OTULINL: variants seen among roughly 807,000 people sequenced by gnomAD.
OTULINL encodes inactive ubiquitin thioesterase OTULINL.
OTULINL carries 42 observed loss-of-function variants against 43.9 expected under a neutral mutation model. The observed-to-expected ratio is 0.96, with a 90% CI of 0.75 to 1.24. The LOEUF (loss-of-function observed/expected upper bound fraction) is 1.24, where lower values mean the gene tolerates loss of function less well. OTULINL is among the 50% of genes most tolerant of loss of function. OTULINL has a pLI of 0.00. For missense variants in OTULINL, 411 were observed against 426.4 expected, an observed-to-expected ratio of 0.96 and a Z score of 0.32; for synonymous variants, 172 against 153.6, an observed-to-expected ratio of 1.12 and a Z score of -0.88.
intron 1 of OTULINL, 29 bp from the exon 2 acceptor site, chr5:14,600,932 CTTTT>C (rs5866109): frequency 0.02 from 23,714 of 1,183,014 alleles, 1 homozygote; most frequent in South Asian, 0.023. Context: ...TTGTGATGTG[CTTTT>C]TTTTTTTTTT....
chr5:14,589,892 G>A (rs1167407040), intron 1 of OTULINL, among the ~76,000 whole-genome samples: 4 of 151,962 alleles, frequency 2.6e-5, no homozygotes, highest in Non-Finnish European at 4.4e-5. Flanking sequence ...CAGAGGTTGC[G>A]GATCATGCCA....
chr5:14,608,191 A>AGGG (rs1759513699), intron 6 of OTULINL, among the ~76,000 whole-genome samples: 1 of 152,222 alleles, frequency 6.6e-6, no homozygotes, highest in African/African-American at 2.4e-5. Context: ...TTTTATCTAA[A>AGGG]CTAATTTCTT....
chr5:14,597,108 C>T (rs1189776285), intron 1 of OTULINL, among the ~76,000 whole-genome samples: 2 of 151,956 alleles, frequency 1.3e-5, no homozygotes, highest in East Asian at 3.8e-4. Context: ...TTAATGTTTT[C>T]CCCCTCAAAG....
At chr5:14,610,087 G>A in intron 7 of OTULINL, 54 bp from the exon 8 acceptor site, 1 of 1,517,684 alleles carries the variant, frequency 6.6e-7, no homozygotes, top group Non-Finnish European at 9.1e-7. Context: ...ACCGTGGCGG[G>A]AGGCAGGAAT....
chr5:14,606,784 C>CA (rs1759488339), intron 5 of OTULINL, among the ~76,000 whole-genome samples: 1 of 151,972 alleles, frequency 6.6e-6, no homozygotes, highest in African/African-American at 2.4e-5. Context: ...ACTATTTTAA[C>CA]AAAAAAGATT....
intron 5 of OTULINL, among the ~76,000 whole-genome samples, chr5:14,606,452 C>T (rs1214203427): frequency 6.6e-6 from 1 of 152,208 alleles, no homozygotes; most frequent in African/African-American, 2.4e-5. Flanking sequence ...CAGAGATTCC[C>T]AGGCTCAGCA....
chr5:14,589,556 G>T (rs1759163017), intron 1 of OTULINL, among the ~76,000 whole-genome samples: 1 of 152,280 alleles, frequency 6.6e-6, no homozygotes, highest in African/African-American at 2.4e-5. Context: ...CAGTATGTGG[G>T]GCTTTCAGTG....
rs1350180798 is a variant in OTULINL at position 14,608,916 on chromosome 5, A to T, written c.796A>T (p.Ser266Cys). 6.2e-7 allele frequency: 1 copy of T among 1,614,116 alleles called. No individual in the cohort carries two copies. Among genetic ancestry groups the T allele is most frequent in the East Asian group, 2.2e-5 (1 of 44,880 alleles). ...AATGAAGACTAAAAAGGTCATTCCC[A>T]GTCTTTTTAGACTCCTGTTTTCCAG... ...EQMKTKKVIP[S>C]LFRLLFSRET... Residue 266 changes from serine to cysteine, a missense_variant, in exon 7 of 8, where the codon AGT (serine) becomes TGT (cysteine). Ser to Cys is a moderately radical substitution (Grantham distance 112). Transcript: ENST00000274217.
At chr5:14,607,237 A>G in intron 5 of OTULINL, 93 bp from the exon 6 acceptor site, 1 of 1,381,434 alleles carries the variant, frequency 7.2e-7, no homozygotes, top group Non-Finnish European at 9.8e-7. Flanking sequence ...CTCGAAAAAA[A>G]AAAAGATAAG....
intron 1 of OTULINL, among the ~76,000 whole-genome samples, chr5:14,594,906 C>G (rs1225528611): frequency 2.0e-5 from 3 of 151,996 alleles, no homozygotes; most frequent in Non-Finnish European, 4.4e-5. Flanking sequence ...TCACCCCTCC[C>G]TTGAGTTCCT....
rs978508189 is a variant in OTULINL, at chr5:14,607,574, G to C, written c.627+116G>C. 6.9e-5 allele frequency: 88 copies of C among 1,280,410 alleles called. 1 individual carries two copies. The highest frequency in any genetic ancestry group is 8.1e-5 in the Non-Finnish European group (75 of 926,660). The allele number at this position is 1,280,410 out of a possible 1,614,324, so 79.3% of individuals were successfully genotyped here. A position where few individuals can be genotyped will look rare whatever the true frequency, so the allele number is the denominator to read the frequency against. ...CATGTTAGGAAAGTAAGAAGTGCAA[G>C]CAGAAATGCTTCTAGTAACTGATGA... On this transcript the variant is annotated intron_variant, in intron 6 of 7. Transcript: ENST00000274217.
chr5:14,602,286 A>G lies in OTULINL; in HGVS notation c.452A>G (p.Gln151Arg), dbSNP rs1378556337. ...TCAGTGTTATTTCAGATATTCAGCC[A>G]GGGCATCTCTTTTCCATCATGGATG... is the stretch of plus-strand genomic sequence containing the variant. Reference protein sequence around the residue: ...LRSVLFQIFSQGISFPSWMKE... With the variant: ...LRSVLFQIFSRGISFPSWMKE... Residue 151 changes from glutamine to arginine, a missense_variant, in exon 5 of 8, where the codon CAG becomes CGG. Transcript: ENST00000274217. 4 of 1,613,978 alleles carry G rather than the reference A, an allele frequency of 2.5e-6. No individual in the cohort carries two copies. Among genetic ancestry groups the G allele is most frequent in the Non-Finnish European group, 3.4e-6 (4 of 1,179,898 alleles).
In OTULINL at chr5:14,610,391, A is replaced by G. The variant is rs111618005; in HGVS notation, c.*77A>G. On this transcript the variant is annotated 3_prime_UTR_variant, in exon 8 of 8. Coordinates refer to ENST00000274217, the MANE Select transcript of OTULINL (RefSeq NM_019018.3). The stretch of plus-strand genomic sequence containing the variant: ...CAATAAAGTCTCTCTCTGAAACCAA[A>G]GCTAGCATTTCAGCATGGAAGGAAT... 6.8e-7 allele frequency: 1 copy of G among 1,478,270 alleles called. No homozygotes were observed. Among genetic ancestry groups the G allele is most frequent in the Non-Finnish European group, 9.3e-7 (1 of 1,076,600 alleles). 91.6% of individuals were successfully genotyped at this position (1,478,270 alleles called of 1,614,324 possible). A position where few individuals can be genotyped will look rare whatever the true frequency, so the allele number is the denominator to read the frequency against.
At chr5:14,589,149 T>G (rs1759156458) in intron 1 of OTULINL, among the ~76,000 whole-genome samples, 1 of 152,242 alleles carries the variant, frequency 6.6e-6, no homozygotes, top group South Asian at 2.1e-4. Context: ...AGGCATTTAC[T>G]GTCTACGCAG....
rs1759646327 is a variant in OTULINL at position 14,614,942 on chromosome 5, T to C, written c.*4628T>C. ...GACCAGTGAGAGTCACTCACTTATT[T>C]GTAATGATTCTTGGGAAGTTTAGTC... On this transcript the variant is annotated 3_prime_UTR_variant, in exon 8 of 8. Transcript: ENST00000274217. The C allele has an allele frequency of 5.1e-6, 2 of 395,416 alleles. No homozygotes were observed. Among genetic ancestry groups the C allele is most frequent in the Non-Finnish European group, 8.9e-6 (2 of 224,676 alleles). 24.5% of individuals were successfully genotyped at this position (395,416 alleles called of 1,614,324 possible). A position where few individuals can be genotyped will look rare whatever the true frequency, so the allele number is the denominator to read the frequency against.
Position 14,613,520 on chromosome 5 carries a change from G to A in OTULINL, c.*3206G>A, listed in dbSNP as rs1759617899. 6.6e-6 allele frequency among the ~76,000 whole-genome samples: 1 copy of A among 152,160 alleles called. No individual in the cohort carries two copies. The highest frequency in any genetic ancestry group is 2.1e-4 in the South Asian group (1 of 4,830). On this transcript the variant is annotated 3_prime_UTR_variant, in exon 8 of 8. Transcript: ENST00000274217. ...CAGGAGGAGAGAGTTAGGTTAGTTA[G>A]TACAACCTAAGAGGGAGTTAAATGG... is the stretch of plus-strand genomic sequence containing the variant.
intron 5 of OTULINL, among the ~76,000 whole-genome samples, chr5:14,604,085 A>ACTTTGGGAG (rs554633487): frequency 3.1e-4 from 47 of 152,284 alleles, no homozygotes; most frequent in Middle Eastern, 3.4e-3. Flanking sequence ...TAATCCCAGC[A>ACTTTGGGAG]CTTTGGGAGG....
rs1326598517 is a variant in OTULINL, at chr5:14,601,209, T to A, written c.225-4T>A. 5.0e-6 allele frequency: 8 copies of A among 1,611,986 alleles called. No homozygotes were observed. Among genetic ancestry groups the A allele is most frequent in the Non-Finnish European group, 5.9e-6 (7 of 1,179,302 alleles). ...TGATATTATTGTTCCCTTTTATCTT[T>A]CAGGTGGATTGGATATCTGCAGAGA... On this transcript the variant is annotated splice_polypyrimidine_tract_variant and splice_region_variant and intron_variant, in intron 2 of 7. Transcript: ENST00000274217.
At chr5:14,589,716 C>T (rs552820562) in intron 1 of OTULINL, among the ~76,000 whole-genome samples, 4 of 152,176 alleles carry the variant, frequency 2.6e-5, no homozygotes, top group South Asian at 2.1e-4. Flanking sequence ...TTTGGGAGGC[C>T]GAGGTGGGTG....
Sources: gnomAD v4.1 joint callset for allele counts (sites outside exome capture counted in the v4.1 genomes callset) on GRCh38, gnomAD v4.1.1 for gene constraint, MANE v1.5 for transcripts, NCBI Gene and HGNC (gene_info 2026-07-23, HGNC 2026-07-21) for gene names.